AASDH: variants seen among roughly 807,000 people sequenced by gnomAD.
AASDH encodes aminoadipate-semialdehyde dehydrogenase.
Under a neutral mutation model 102.3 loss-of-function variants are expected in AASDH, and 81 were observed. The ratio of observed to expected loss-of-function variants is 0.79; its 90% CI spans 0.66 to 0.95. The LOEUF (loss-of-function observed/expected upper bound fraction) is 0.95. Among genes scored for constraint, AASDH ranks in the 40% least tolerant of loss-of-function variants. The probability of loss-of-function intolerance (pLI) is 0.00; values close to 1 mark genes in which losing one functional copy is unlikely to be tolerated. For missense variants in AASDH, 1,203 were observed against 1,266.2 expected (o/e 0.95, Z 0.76); for synonymous variants, 398 against 454.0 (o/e 0.88, Z 1.57).
In AASDH at chr4:56,359,714, G is replaced by A. The variant is rs536900761; in HGVS notation, c.862-4291C>T. ...GCTGGGATTACAGGCATGCACCACC[G>A]TGCCCAGCTAATTTTTGTATTTTTA... On this transcript the variant is annotated intron_variant, in intron 5 of 14. Transcript: ENST00000205214. Among the ~76,000 whole-genome samples, 22 of 151,846 alleles carry A rather than the reference G, an allele frequency of 1.4e-4. No individual in the cohort carries two copies. In the East Asian group the frequency reaches 3.1e-3, roughly 21 times the overall value.
chr4:56,383,669 T>C (rs1208852078), intron 2 of AASDH, among the ~76,000 whole-genome samples: 3 of 152,176 alleles, frequency 2.0e-5, no homozygotes, highest in African/African-American at 7.2e-5. Context: ...AAACTCTAAT[T>C]TACTGATTTA....
Position 56,349,867 on chromosome 4 carries a change from T to G in AASDH, c.1884A>C (p.Gln628His), listed in dbSNP as rs769442659. The change falls in exon 11 of 15, where the codon CAA (glutamine) becomes CAC (histidine). Residue 628 changes from glutamine (Q) to histidine (H), a missense_variant. Transcript: ENST00000205214. ...SILEIYNHIL[Q>H]TVVPDEDVTF... ...TCACATCTTCATCTGGAACCACTGTTTGAAGGATGTGATTATAAATCTCTA... is the reference window on the plus strand; with the variant it reads ...TCACATCTTCATCTGGAACCACTGTGTGAAGGATGTGATTATAAATCTCTA... The G allele has an allele frequency of 3.1e-6, 5 of 1,614,168 alleles. No homozygotes were observed. Among genetic ancestry groups the G allele is most frequent in the Non-Finnish European group, 3.4e-6 (4 of 1,180,036 alleles).
chr4:56,381,790 C>T (rs1240981316), intron 3 of AASDH: 1 of 151,918 alleles, frequency 6.6e-6, no homozygotes, highest in Non-Finnish European at 1.5e-5. Context: ...ATGTTCTTCC[C>T]CTTTAGTAAA....
At chr4:56,363,626 C>T (rs1019669045) in intron 5 of AASDH, among the ~76,000 whole-genome samples, 5 of 152,204 alleles carry the variant, frequency 3.3e-5, no homozygotes, top group African/African-American at 1.2e-4. Context: ...TGGAGTGGAC[C>T]TCCAGCAAAC....
At chr4:56,375,589 C>T (rs1053578061) in intron 4 of AASDH, among the ~76,000 whole-genome samples, 2 of 152,120 alleles carry the variant, frequency 1.3e-5, no homozygotes, top group African/African-American at 4.8e-5. Flanking sequence ...CCTCATTAAG[C>T]AAATGTTTGC....
At chr4:56,342,237 G>C (rs1037852807) in intron 14 of AASDH, among the ~76,000 whole-genome samples, 3 of 151,966 alleles carry the variant, frequency 2.0e-5, no homozygotes, top group African/African-American at 7.3e-5. Context: ...TAGCAGAGTA[G>C]GATGACTACA....
At chr4:56,376,992 G>A (rs1331452692) in intron 4 of AASDH, among the ~76,000 whole-genome samples, 1 of 149,290 alleles carries the variant, frequency 6.7e-6, no homozygotes, top group East Asian at 2.0e-4. Flanking sequence ...GCGTGAACCC[G>A]GGAGGCGGAG....
intron 1 of AASDH, among the ~76,000 whole-genome samples, chr4:56,385,263 C>T (rs1753419021): frequency 6.6e-6 from 1 of 152,148 alleles, no homozygotes; most frequent in Non-Finnish European, 1.5e-5. Context: ...TATTACTATA[C>T]TATTAATATT....
Position 56,371,460 on chromosome 4 carries a change from A to G in AASDH, c.852T>C (p.Thr284=). The G allele has an allele frequency of 1.9e-6, 3 of 1,600,894 alleles. No homozygotes were observed. Among genetic ancestry groups the G allele is most frequent in the Non-Finnish European group, 2.5e-6 (3 of 1,177,206 alleles). The change falls in exon 5 of 15, where the codon ACT becomes ACC. Residue 284 remains threonine (T), a synonymous_variant. Transcript: ENST00000205214. ...TGCTACTAAAATGTACCTGCAAAAC[A>G]GTCACTCTATGATGGGAAAAGAGAA... is the stretch of plus-strand genomic sequence containing the variant. ...ASVLFSHHRV[T]VLQATPTLLR... is the part of the protein sequence containing the mutation.
intron 3 of AASDH, among the ~76,000 whole-genome samples, chr4:56,379,646 A>G (rs2110000887): frequency 6.6e-6 from 1 of 152,356 alleles, no homozygotes; most frequent in South Asian, 2.1e-4. Context: ...TTATAATGCA[A>G]TGCGTATGAT....
chr4:56,374,369 GAAAAAAAAAAAAAAA>G (rs71192096), intron 4 of AASDH, among the ~76,000 whole-genome samples: 7 of 105,880 alleles, frequency 6.6e-5, no homozygotes, highest in African/African-American at 2.7e-4. Flanking sequence ...CTCTGTCTCA[GAAAAAAAAAAAAAAA>G]AAAAAAGGAC....
intron 5 of AASDH, 96 bp downstream of exon 5, chr4:56,371,355 T>C: frequency 8.0e-7 from 1 of 1,255,580 alleles, no homozygotes; most frequent in Non-Finnish European, 1.1e-6. Context: ...ATTATATTAA[T>C]CCATTGTAAA....
chr4:56,356,622 C>A lies in AASDH; in HGVS notation c.862-1199G>T, dbSNP rs890797949. Reference sequence around the variant, plus strand: ...TGGTGACTGCACACGTGGCTCCCATCGAGTTGGTTGTCTTCTTGCCTGCCC... The same window carrying A: ...TGGTGACTGCACACGTGGCTCCCATAGAGTTGGTTGTCTTCTTGCCTGCCC... On this transcript the variant is annotated intron_variant, in intron 5 of 14. Coordinates refer to ENST00000205214, the MANE Select transcript of AASDH (RefSeq NM_181806.4). 2.5e-4 allele frequency: 175 copies of A among 703,810 alleles called. 1 individual carries two copies. In the East Asian group the frequency reaches 4.5e-3, roughly 18 times the overall value. The allele number at this position is 703,810 out of a possible 1,614,324, so 43.6% of individuals were successfully genotyped here.
chr4:56,372,719 C>T (rs978507922), intron 4 of AASDH, among the ~76,000 whole-genome samples: 1 of 152,168 alleles, frequency 6.6e-6, no homozygotes, highest in African/African-American at 2.4e-5. Flanking sequence ...TGATACCTTT[C>T]CTCCCCATCA....
Position 56,353,549 on chromosome 4 carries a change from A to C in AASDH, c.1431T>G (p.Tyr477Ter). The C allele has an allele frequency of 6.2e-7, 1 of 1,613,478 alleles. No individual in the cohort carries two copies. Among genetic ancestry groups the C allele is most frequent in the Non-Finnish European group, 8.5e-7 (1 of 1,179,964 alleles). Residue 477 changes from tyrosine (Y) to a stop codon, truncating the protein, a stop_gained, in exon 9 of 15, where the codon TAT becomes TAG. Coordinates refer to ENST00000205214, the MANE Select transcript of AASDH (RefSeq NM_181806.4). LOFTEE classifies it high-confidence loss of function. Reference sequence around the variant, plus strand: ...TGAAGAGAATTAATTTTTCCTGATTATACCATGTAACTGCACAAGACTCCA... The same window carrying C: ...TGAAGAGAATTAATTTTTCCTGATTCTACCATGTAACTGCACAAGACTCCA... ...QQVESCAVTWYNQEKLILFMV... is the reference protein window; with the variant it reads ...QQVESCAVTW
At chr4:56,384,417 A>G in intron 1 of AASDH, 76 bp from the exon 2 acceptor site, 2 of 669,012 alleles carry the variant, frequency 3.0e-6, no homozygotes, top group South Asian at 2.0e-5. Context: ...AAACTTCTCT[A>G]CAATAATATC....
In AASDH at chr4:56,384,303, A is replaced by G; in HGVS notation, c.-4T>C. On this transcript the variant is annotated 5_prime_UTR_variant, in exon 2 of 15. Transcript: ENST00000205214. ...GCACCAATTCCTGAAGAGTCATTTC[A>G]CTGAAGTTTATCTAAACATCAATTT... The G allele has an allele frequency of 6.2e-7, 1 of 1,612,998 alleles. No homozygotes were observed. The highest frequency in any genetic ancestry group is 8.5e-7 in the Non-Finnish European group (1 of 1,179,122).
At chr4:56,347,903 A>G (rs147072622) in intron 11 of AASDH, among the ~76,000 whole-genome samples, 3 of 152,176 alleles carry the variant, frequency 2.0e-5, no homozygotes, top group African/African-American at 7.2e-5. Flanking sequence ...CTGTAATCCC[A>G]GCACTTTGGG....
chr4:56,339,792 T>C (rs1375979916), intron 14 of AASDH, among the ~76,000 whole-genome samples: 1 of 148,542 alleles, frequency 6.7e-6, no homozygotes, highest in Non-Finnish European at 1.5e-5. Context: ...ATATATCTTC[T>C]TACAAACTAT....
Sources: gnomAD v4.1 joint callset for allele counts (sites outside exome capture counted in the v4.1 genomes callset) on GRCh38, gnomAD v4.1.1 for gene constraint, MANE v1.5 for transcripts, NCBI Gene and HGNC (gene_info 2026-07-23, HGNC 2026-07-21) for gene names.